CACNA1C: variants seen among roughly 807,000 people sequenced by gnomAD.
The protein encoded by CACNA1C is calcium voltage-gated channel subunit alpha1 C, also known as voltage-dependent L-type calcium channel subunit alpha-1C.
A neutral mutation model predicts 229.0 loss-of-function variants in CACNA1C; 30 were observed. The ratio of observed to expected loss-of-function variants is 0.13; its 90% CI spans 0.10 to 0.18. CACNA1C has a LOEUF of 0.18. CACNA1C is among the 10% of genes least tolerant of loss of function. The probability of loss-of-function intolerance (pLI) is 1.00; values close to 1 mark genes in which losing one functional copy is unlikely to be tolerated. For synonymous variants in CACNA1C, 1,114 were observed against 1,132.5 expected (o/e 0.98, Z 0.33); for missense variants, 1,658 against 2,845.0 (o/e 0.58, Z 9.49).
In CACNA1C at chr12:2,584,523, T is replaced by C. The variant is rs540557315; in HGVS notation, c.2245T>C (p.Leu749=). The part of the protein sequence containing the change: ...CGNYILLNVF[L]AIAVDNLADA... ...AACAGATATCCTACTGAATGTGTTC[T>C]TGGCCATTGCTGTGGACAACCTGGC... Residue 749 remains leucine, a synonymous_variant, in exon 16 of 47, where the codon TTG becomes CTG. Coordinates refer to ENST00000399655, the MANE Select transcript of CACNA1C (RefSeq NM_000719.7). 6.2e-7 allele frequency: 1 copy of C among 1,613,516 alleles called. No homozygotes were observed. Among genetic ancestry groups the C allele is most frequent in the South Asian group, 1.1e-5 (1 of 91,070 alleles).
chr12:2,468,656 C>T (rs1283787403), intron 5 of CACNA1C, among the ~76,000 whole-genome samples: 2 of 152,222 alleles, frequency 1.3e-5, no homozygotes, highest in African/African-American at 2.4e-5. Flanking sequence ...CATAGTTTGC[C>T]TGTTGCCTTA....
intron 3 of CACNA1C, among the ~76,000 whole-genome samples, chr12:2,392,133 T>A (rs967629574): frequency 2.0e-5 from 3 of 152,240 alleles, no homozygotes; most frequent in Non-Finnish European, 2.9e-5. Flanking sequence ...TCATATAAGC[T>A]GAAGAATTCT....
chr12:2,052,926 G>T, upstream of CACNA1C: 2 of 956,450 alleles, frequency 2.1e-6, no homozygotes, highest in Non-Finnish European at 2.5e-6. Flanking sequence ...GGGCAGGGGC[G>T]GGCGCGGGCG....
intron 5 of CACNA1C, among the ~76,000 whole-genome samples, chr12:2,463,584 T>A (rs1226264990): frequency 6.6e-6 from 1 of 152,138 alleles, no homozygotes; most frequent in Non-Finnish European, 1.5e-5. Context: ...TGATAGAGAA[T>A]CAGGAGAGCC....
In CACNA1C at chr12:2,403,195, T is replaced by C. The variant is rs1474860318; in HGVS notation, c.478-45781T>C. Among the ~76,000 whole-genome samples the C allele has an allele frequency of 6.6e-6, 1 of 152,192 alleles. No individual in the cohort carries two copies. Among genetic ancestry groups the C allele is most frequent in the Non-Finnish European group, 1.5e-5 (1 of 68,036 alleles). Reference sequence around the variant, plus strand: ...CTGCTTTTAACAGCCTTCATTCTTTTCCAACTAGTGTCTCGCTGCCCTGCC... The same window carrying C: ...CTGCTTTTAACAGCCTTCATTCTTTCCCAACTAGTGTCTCGCTGCCCTGCC... On this transcript the variant is annotated intron_variant, in intron 3 of 46. Transcript: ENST00000399655. The surrounding 1 kb of genome is among the most constrained non-coding windows in gnomAD (Gnocchi z 4.1).
At chr12:2,289,671 A>G (rs1263054501) in intron 3 of CACNA1C, among the ~76,000 whole-genome samples, 1 of 151,996 alleles carries the variant, frequency 6.6e-6, no homozygotes, top group African/African-American at 2.4e-5. Flanking sequence ...ACTGGAGAAC[A>G]TGGATTAAAC....
intron 3 of CACNA1C, among the ~76,000 whole-genome samples, chr12:2,312,121 A>G (rs2095468508): frequency 6.6e-6 from 1 of 152,132 alleles, no homozygotes; most frequent in African/African-American, 2.4e-5. Context: ...AACACCAGAA[A>G]CCCATGCCCC....
intron 3 of CACNA1C, among the ~76,000 whole-genome samples, chr12:2,190,129 C>T (rs959350154): frequency 2.6e-5 from 4 of 152,174 alleles, no homozygotes; most frequent in African/African-American, 9.7e-5. Context: ...GGAGGGAGGG[C>T]TTTTTGTGCA....
intron 21 of CACNA1C, among the ~76,000 whole-genome samples, chr12:2,600,875 C>T (rs1322913243): frequency 2.0e-5 from 3 of 152,188 alleles, no homozygotes; most frequent in Admixed American, 1.3e-4. Context: ...TGGGGCTCAC[C>T]GTGTGCAGGG....
chr12:1,975,356 G>A (rs111439953), intron 1 of CACNA1C, among the ~76,000 whole-genome samples: 1 of 136,616 alleles, frequency 7.3e-6, no homozygotes, highest in Admixed American at 7.2e-5. Context: ...GGGTTAAGCA[G>A]TAAATTTACT....
rs1331973642 is a variant in CACNA1C, at chr12:2,512,227, A to T, written c.1218-585A>T. Among the ~76,000 whole-genome samples the T allele has an allele frequency of 6.6e-6, 1 of 152,150 alleles. No individual in the cohort carries two copies. The highest frequency in any genetic ancestry group is 1.5e-5 in the Non-Finnish European group (1 of 68,030). Reference sequence around the variant, plus strand: ...ATTTGCCAGTTACCATGGTGTAAATATTCCCACTGTGGCCGATCTCAAGCT... The same window carrying T: ...ATTTGCCAGTTACCATGGTGTAAATTTTCCCACTGTGGCCGATCTCAAGCT... On this transcript the variant is annotated intron_variant, in intron 8 of 46. Coordinates refer to ENST00000399655, the MANE Select transcript of CACNA1C (RefSeq NM_000719.7). This position sits in a 1 kb window ranked among gnomAD's most constrained non-coding sequence, Gnocchi z 4.3.
chr12:2,583,852 A>G (rs2153228437), intron 15 of CACNA1C, among the ~76,000 whole-genome samples: 1 of 152,290 alleles, frequency 6.6e-6, no homozygotes, highest in South Asian at 2.1e-4. Flanking sequence ...GTGTGAAATG[A>G]TATGAATGTC....
chr12:2,282,403 C>G (rs1483343978), intron 3 of CACNA1C, among the ~76,000 whole-genome samples: 2 of 152,202 alleles, frequency 1.3e-5, no homozygotes, highest in African/African-American at 4.8e-5. Flanking sequence ...GCCCGGATTT[C>G]CCTCTCAATA....
In CACNA1C at chr12:2,688,520, C is replaced by T. The variant is rs759733868; in HGVS notation, c.5858C>T (p.Ala1953Val). 6.2e-7 allele frequency: 1 copy of T among 1,613,906 alleles called. No individual in the cohort carries two copies. Among genetic ancestry groups the T allele is most frequent in the African/African-American group, 1.3e-5 (1 of 75,052 alleles). Residue 1953 changes from alanine (A) to valine (V), a missense_variant, in exon 46 of 47, where the codon GCC becomes GTC. This residue lies in a region of CACNA1C where 590 missense variants were observed against 700.8 expected (regional missense o/e 0.84). Transcript: ENST00000399655. ...HSPASFPRPF[A>V]TPPATPGSRG... ...CCTGCCTCATTCCCTAGGCCTTTTG[C>T]CACCCCACCAGCCACACCTGGCAGC... is the stretch of plus-strand genomic sequence containing the variant.
rs973201062 is a variant in CACNA1C, at chr12:2,479,239, G to A, written c.758-6865G>A. 5.3e-5 allele frequency among the ~76,000 whole-genome samples: 8 copies of A among 152,022 alleles called. No homozygotes were observed. Among genetic ancestry groups the A allele is most frequent in the African/African-American group, 1.4e-4 (6 of 41,380 alleles). ...ATTTTCTTTTTGTTTTTTAGAGACA[G>A]GGTCTTGTTCTGTCACCCAGGCTGG... On this transcript the variant is annotated intron_variant, in intron 5 of 46. Coordinates refer to ENST00000399655, the MANE Select transcript of CACNA1C (RefSeq NM_000719.7). The surrounding 1 kb of genome is among the most constrained non-coding windows in gnomAD (Gnocchi z 4.3).
chr12:2,022,522 A>C (rs575247831), intron 1 of CACNA1C, among the ~76,000 whole-genome samples: 1 of 148,842 alleles, frequency 6.7e-6, no homozygotes, highest in Non-Finnish European at 1.5e-5. Flanking sequence ...TGGCACAGTC[A>C]TAACTTGGAC....
chr12:2,497,092 C>T (rs1336037806), intron 7 of CACNA1C, among the ~76,000 whole-genome samples: 1 of 152,152 alleles, frequency 6.6e-6, no homozygotes, highest in African/African-American at 2.4e-5. Flanking sequence ...GCCTTTTGCA[C>T]ATCATTCAAG....
At chr12:2,256,293 A>G (rs1220260458) in intron 3 of CACNA1C, among the ~76,000 whole-genome samples, 2 of 152,192 alleles carry the variant, frequency 1.3e-5, no homozygotes, top group African/African-American at 2.4e-5. Flanking sequence ...CCATCAATGC[A>G]TGGGGTAATC....
chr12:2,261,761 A>G (rs1409473109), intron 3 of CACNA1C, among the ~76,000 whole-genome samples: 1 of 152,044 alleles, frequency 6.6e-6, no homozygotes, highest in Non-Finnish European at 1.5e-5. Flanking sequence ...ACACACACAC[A>G]ACAGGTGCTT....
Sources: allele counts gnomAD v4.1 joint callset (sites outside exome capture counted in the v4.1 genomes callset), GRCh38; gene constraint gnomAD v4.1.1; regional missense constraint gnomAD v4.1.1; non-coding constraint Gnocchi (gnomAD v3.1); transcripts MANE v1.5; gene names NCBI Gene and HGNC (gene_info 2026-07-23, HGNC 2026-07-21).